GZF1: variants seen among roughly 807,000 people sequenced by gnomAD.
GZF1 encodes the protein GDNF inducible zinc finger protein 1.
In GZF1, 28 loss-of-function variants were observed where a neutral mutation model predicts 49.4. That is an observed-to-expected ratio of 0.57 (90% CI 0.42 to 0.78). The LOEUF is 0.78. Among genes scored for constraint, GZF1 ranks in the 30% least tolerant of loss-of-function variants. The pLI is 0.00. For missense variants in GZF1, 798 were observed against 916.2 expected, an observed-to-expected ratio of 0.87 and a Z score of 1.67; for synonymous variants, 364 against 356.0, an observed-to-expected ratio of 1.02 and a Z score of -0.25.
In GZF1 at chr20:23,365,689, G is replaced by C; in HGVS notation, c.1306G>C (p.Gly436Arg). Residue 436 changes from glycine to arginine, a missense_variant, in exon 2 of 6, where the codon GGC becomes CGC. This residue lies in a region of GZF1 where 446 missense variants were observed against 540.1 expected (regional missense o/e 0.83). Transcript: ENST00000338121. Reference protein sequence around the residue: ...ERTHTGDRPYGCTECGARFSQ... With the variant: ...ERTHTGDRPYRCTECGARFSQ... ...CACACACACGGGAGACCGGCCCTAC[G>C]GCTGCACCGAGTGCGGCGCCAGGTT... 1 of 1,584,098 alleles carries C rather than the reference G, an allele frequency of 6.3e-7. No homozygotes were observed. The highest frequency in any genetic ancestry group is 8.5e-7 in the Non-Finnish European group (1 of 1,170,372).
chr20:23,367,544 C>T (rs1404896911), intron 3 of GZF1, among the ~76,000 whole-genome samples: 2 of 152,136 alleles, frequency 1.3e-5, no homozygotes, highest in East Asian at 3.9e-4. Context: ...TATGACCCGG[C>T]TATTCAGAGT....
chr20:23,372,429 A>C lies in GZF1; in HGVS notation c.*1988A>C, dbSNP rs1034330530. On this transcript the variant is annotated 3_prime_UTR_variant, in exon 6 of 6. Transcript: ENST00000338121. ...TAAGCTGTTTAACTGCTTGGATCCC[A>C]GTTGGTCTCTGGCAGTGGGATCCTG... is the stretch of plus-strand genomic sequence containing the variant. 1.4e-4 allele frequency: 21 copies of C among 152,186 alleles called. No individual in the cohort carries two copies. Among genetic ancestry groups the C allele is most frequent in the Admixed American group, 6.5e-5 (1 of 15,278 alleles). The allele number at this position is 152,186 out of a possible 1,614,324, so 9.4% of individuals were successfully genotyped here. A position where few individuals can be genotyped will look rare whatever the true frequency, so the allele number is the denominator to read the frequency against.
At chr20:23,362,150 A>G (rs1980724725), upstream of GZF1, 1 of 152,056 alleles carries the variant, frequency 6.6e-6, no homozygotes. Flanking sequence ...GTGCCCGCGC[A>G]GGGTGCTACG....
At position 23,365,116 on chromosome 20, in the gene GZF1, C is replaced by A. The variant is rs1233305714; in HGVS notation, c.733C>A (p.Arg245=). 3 of 1,613,796 alleles carry A rather than the reference C, an allele frequency of 1.9e-6. No individual in the cohort carries two copies. The African/African-American group carries it at 4.0e-5, about 22-fold the overall frequency. The part of the protein sequence containing the change: ...IPKKKYTRRL[R]EQQKTAEGDV... ...TAAAAAGAAATATACGAGAAGACTC[C>A]GAGAGCAGCAGAAAACTGCTGAGGG... Residue 245 remains arginine (R), a synonymous_variant, in exon 2 of 6, where the codon CGA becomes AGA. Transcript: ENST00000338121.
chr20:23,364,279 C>T (rs975775522), intron 1 of GZF1, 84 bp from the exon 2 acceptor site: 2 of 754,390 alleles, frequency 2.7e-6, no homozygotes, highest in African/African-American at 1.7e-5. Flanking sequence ...TCTATATCCT[C>T]TCAAGTACTG....
intron 1 of GZF1, chr20:23,362,733 G>A (rs1164512414): frequency 6.6e-6 from 1 of 152,242 alleles, no homozygotes; most frequent in Non-Finnish European, 1.5e-5. Context: ...AGATTCGGCG[G>A]ATACGCAGCT....
chr20:23,361,885 G>C (rs1980692489), upstream of GZF1, among the ~76,000 whole-genome samples: 1 of 152,220 alleles, frequency 6.6e-6, no homozygotes, highest in African/African-American at 2.4e-5. Flanking sequence ...GTGACTTTTC[G>C]CGACTGGCCC....
At chr20:23,369,050 G>A (rs1981745805) in intron 4 of GZF1, 121 bp downstream of exon 4, 4 of 781,602 alleles carry the variant, frequency 5.1e-6, no homozygotes, top group East Asian at 5.3e-5. Context: ...GCCAAACTTT[G>A]TATGTCATAA....
At position 23,365,286 on chromosome 20, in the gene GZF1, G is replaced by A. The variant is rs774294760; in HGVS notation, c.903G>A (p.Glu301=). ...AGAAAGCAGGGCCGGAGGAGGAAGAGGAGGAGGAGGAGGAGGACGAAGAAG... is the reference window on the plus strand; with the variant it reads ...AGAAAGCAGGGCCGGAGGAGGAAGAAGAGGAGGAGGAGGAGGACGAAGAAG... ...LSKKAGPEEE[E]EEEEEDEEGE... is the part of the protein sequence containing the mutation. Residue 301 remains glutamate, a synonymous_variant, in exon 2 of 6, where the codon GAG becomes GAA. Coordinates refer to ENST00000338121, the MANE Select transcript of GZF1 (RefSeq NM_022482.5). 2.9e-5 allele frequency: 43 copies of A among 1,482,098 alleles called. No individual in the cohort carries two copies. The Admixed American group carries it at 4.1e-4, about 14-fold the overall frequency. The allele number at this position is 1,482,098 out of a possible 1,614,324, so 91.8% of individuals were successfully genotyped here. A position where few individuals can be genotyped will look rare whatever the true frequency, so the allele number is the denominator to read the frequency against.
At position 23,371,722 on chromosome 20, in the gene GZF1, A is replaced by T. The variant is rs181901518; in HGVS notation, c.*1281A>T. The T allele has an allele frequency of 6.2e-4, 94 of 152,478 alleles. No individual in the cohort carries two copies. The highest frequency in any genetic ancestry group is 2.2e-3 in the African/African-American group (92 of 41,584). 9.4% of individuals were successfully genotyped at this position (152,478 alleles called of 1,614,324 possible). On this transcript the variant is annotated 3_prime_UTR_variant, in exon 6 of 6. Transcript: ENST00000338121. The stretch of plus-strand genomic sequence containing the variant: ...ACATGTAACATTTAAACATTAATTT[A>T]AAAAGGGAACCTTGGAGAATTCTTT...
At chr20:23,361,796 T>C (rs543082373), upstream of GZF1, among the ~76,000 whole-genome samples, 304 of 152,302 alleles carry the variant, frequency 2.0e-3, 2 homozygotes, top group African/African-American at 7.0e-3. Flanking sequence ...CGCAGGCTGC[T>C]GGGGCCCGGA....
chr20:23,365,390 G>A lies in GZF1; in HGVS notation c.1007G>A (p.Ser336Asn). Reference sequence around the variant, plus strand: ...TATGAGAAGAGCTTCCTGAAGCACAGCAAGCACCGCCACGGCGTGGCCACC... The same window carrying A: ...TATGAGAAGAGCTTCCTGAAGCACAACAAGCACCGCCACGGCGTGGCCACC... ...FLYEKSFLKHSKHRHGVATEV... is the reference protein window; with the variant it reads ...FLYEKSFLKHNKHRHGVATEV... Residue 336 changes from serine to asparagine, a missense_variant, in exon 2 of 6, where the codon AGC becomes AAC. Around this residue, in one of 3 missense-constraint regions of GZF1, gnomAD observed 446 missense variants for 540.1 expected, o/e 0.83. Coordinates refer to ENST00000338121, the MANE Select transcript of GZF1 (RefSeq NM_022482.5). 2 of 1,613,818 alleles carry A rather than the reference G, an allele frequency of 1.2e-6. No individual in the cohort carries two copies. Among genetic ancestry groups the A allele is most frequent in the Non-Finnish European group, 8.5e-7 (1 of 1,179,956 alleles).
chr20:23,368,727 T>G (rs777351429), intron 3 of GZF1, 35 bp from the exon 4 acceptor site: 3 of 1,554,148 alleles, frequency 1.9e-6, no homozygotes, highest in Non-Finnish European at 2.6e-6. Context: ...TTAATGCCTG[T>G]ATTGTTTATG....
rs1257451353 is a variant in GZF1, at chr20:23,365,374, A to G, written c.991A>G (p.Ser331Gly). The change falls in exon 2 of 6, where the codon AGC becomes GGC. Residue 331 changes from serine (S) to glycine (G), a missense_variant. Coordinates refer to ENST00000338121, the MANE Select transcript of GZF1 (RefSeq NM_022482.5). Reference sequence around the variant, plus strand: ...CGAGAAGGCGTTTCTGTATGAGAAGAGCTTCCTGAAGCACAGCAAGCACCG... The same window carrying G: ...CGAGAAGGCGTTTCTGTATGAGAAGGGCTTCCTGAAGCACAGCAAGCACCG... ...ICEKAFLYEK[S>G]FLKHSKHRHG... 6.2e-7 allele frequency: 1 copy of G among 1,613,460 alleles called. No individual in the cohort carries two copies. Among genetic ancestry groups the G allele is most frequent in the East Asian group, 2.2e-5 (1 of 44,856 alleles).
intron 5 of GZF1, 142 bp downstream of exon 5, chr20:23,369,883 G>A (rs1471191995): frequency 1.4e-5 from 14 of 1,013,000 alleles, no homozygotes; most frequent in Middle Eastern, 2.2e-4. Context: ...GCAGTGGAAC[G>A]CTCACGGAAT....
chr20:23,364,760 T>C lies in GZF1; in HGVS notation c.377T>C (p.Phe126Ser), dbSNP rs189316929. ...LKCLDLSETC[F>S]QLKKQMLESV... ...TGTTTGGATTTATCAGAAACTTGTT[T>C]TCAATTAAAGAAACAGATGTTAGAG... The change falls in exon 2 of 6, where the codon TTT becomes TCT. Residue 126 changes from phenylalanine to serine, a missense_variant. This residue lies in a region of GZF1 where 247 missense variants were observed against 228.5 expected (regional missense o/e 1.08). Coordinates refer to ENST00000338121, the MANE Select transcript of GZF1 (RefSeq NM_022482.5). The C allele has an allele frequency of 1.5e-5, 25 of 1,614,274 alleles. No individual in the cohort carries two copies. The highest frequency in any genetic ancestry group is 2.1e-5 in the Non-Finnish European group (25 of 1,180,060).
In GZF1 at chr20:23,365,620, G is replaced by T. The variant is rs1414227380; in HGVS notation, c.1237G>T (p.Gly413Cys). 6.2e-7 allele frequency: 1 copy of T among 1,605,650 alleles called. No homozygotes were observed. The highest frequency in any genetic ancestry group is 1.7e-5 in the Admixed American group (1 of 59,948). Residue 413 changes from glycine (G) to cysteine (C), a missense_variant, in exon 2 of 6, where the codon GGC becomes TGC. By Grantham distance (159) the Gly-to-Cys change is radical. Coordinates refer to ENST00000338121, the MANE Select transcript of GZF1 (RefSeq NM_022482.5). ...GGERHRCGQCGKGLSSKTALR... is the reference protein window; with the variant it reads ...GGERHRCGQCCKGLSSKTALR... ...CGAGCGGCACCGCTGCGGCCAGTGC[G>T]GCAAGGGCCTGAGTTCCAAGACAGC... is the stretch of plus-strand genomic sequence containing the variant.
chr20:23,364,808 A>G lies in GZF1; in HGVS notation c.425A>G (p.Asn142Ser), dbSNP rs1218555259. 6.2e-7 allele frequency: 1 copy of G among 1,614,132 alleles called. No individual in the cohort carries two copies. Among genetic ancestry groups the G allele is most frequent in the Non-Finnish European group, 8.5e-7 (1 of 1,180,058 alleles). ...MLESVLLELQ[N>S]FSESQEVEVS... The stretch of plus-strand genomic sequence containing the variant: ...GAGTCAGTACTTTTGGAGTTGCAAA[A>G]TTTCTCAGAGTCTCAGGAGGTGGAG... Residue 142 changes from asparagine to serine, a missense_variant, in exon 2 of 6, where the codon AAT becomes AGT. By Grantham distance (46) the Asn-to-Ser change is conservative. Transcript: ENST00000338121.
chr20:23,370,322 G>C lies in GZF1; in HGVS notation c.2017G>C (p.Asp673His). ...NSSADTACKA[D>H]DSVVSQDTLL... ...TTCTGCTGACACAGCCTGCAAGGCA[G>C]ATGACTCCGTGGTGTCCCAGGACAC... Residue 673 changes from aspartate (D) to histidine (H), a missense_variant, in exon 6 of 6, where the codon GAT (aspartate) becomes CAT (histidine). This residue lies in a region of GZF1 where 446 missense variants were observed against 540.1 expected (regional missense o/e 0.83). Transcript: ENST00000338121. 6.2e-7 allele frequency: 1 copy of C among 1,614,172 alleles called. No homozygotes were observed. The highest frequency in any genetic ancestry group is 8.5e-7 in the Non-Finnish European group (1 of 1,180,002).
Sources: gnomAD v4.1 joint callset for allele counts (sites outside exome capture counted in the v4.1 genomes callset) on GRCh38, gnomAD v4.1.1 for gene constraint, gnomAD v4.1.1 regional missense constraint, MANE v1.5 for transcripts, NCBI Gene and HGNC (gene_info 2026-07-23, HGNC 2026-07-21) for gene names.